DRC1: variants seen among roughly 807,000 people sequenced by gnomAD.
The protein encoded by DRC1 is dynein regulatory complex protein 1.
A neutral mutation model predicts 98.7 loss-of-function variants in DRC1; 74 were observed. That is an observed-to-expected ratio of 0.75 (90% confidence interval 0.62 to 0.91). The LOEUF is 0.91. Ranked by LOEUF, DRC1 falls within the 40% of genes least tolerant of loss-of-function variation. DRC1 has a pLI of 0.00. For missense variants in DRC1, 875 were observed against 886.0 expected (o/e 0.99, Z 0.16); for synonymous variants, 336 against 334.1 (o/e 1.01, Z -0.06).
chr2:26,414,474 TG>T (rs537626160), intron 2 of DRC1, 43 bp downstream of exon 2: 2 of 1,571,834 alleles, frequency 1.3e-6, no homozygotes, highest in Non-Finnish European at 1.7e-6. Context: ...ACCAGTGAGC[TG>T]GGTGTGACAT....
intron 1 of DRC1, among the ~76,000 whole-genome samples, chr2:26,402,775 G>C (rs1484498545): frequency 6.6e-6 from 1 of 152,172 alleles, no homozygotes; most frequent in Non-Finnish European, 1.5e-5. Context: ...GGCCTTCATA[G>C]GGTTGATTGC....
chr2:26,447,482 A>T (rs1030041674), intron 10 of DRC1, among the ~76,000 whole-genome samples: 1 of 152,190 alleles, frequency 6.6e-6, no homozygotes, highest in African/African-American at 2.4e-5. Context: ...CACCAGCTTG[A>T]TACACATATA....
intron 3 of DRC1, among the ~76,000 whole-genome samples, chr2:26,423,425 G>A (rs1381364811): frequency 1.3e-5 from 2 of 152,190 alleles, no homozygotes; most frequent in Admixed American, 1.3e-4. Context: ...TGCTCTCATA[G>A]GATTAGTCTG....
At chr2:26,432,897 TC>T (rs1663472484) in intron 7 of DRC1, among the ~76,000 whole-genome samples, 1 of 152,190 alleles carries the variant, frequency 6.6e-6, no homozygotes, top group African/African-American at 2.4e-5. Context: ...TGGATTCAAA[TC>T]CAATTCTGTC....
At chr2:26,426,916 G>C (rs1572365608) in intron 4 of DRC1, among the ~76,000 whole-genome samples, 1 of 152,016 alleles carries the variant, frequency 6.6e-6, no homozygotes, top group South Asian at 2.1e-4. Flanking sequence ...TCTTCCATTT[G>C]TTTATATCTT....
intron 3 of DRC1, among the ~76,000 whole-genome samples, chr2:26,421,698 T>C (rs919577208): frequency 6.6e-6 from 1 of 151,854 alleles, no homozygotes; most frequent in Admixed American, 6.6e-5. Flanking sequence ...GTAGCTGGGA[T>C]TACAGGCATG....
chr2:26,403,396 T>C (rs2147973271), intron 1 of DRC1, among the ~76,000 whole-genome samples: 1 of 152,364 alleles, frequency 6.6e-6, no homozygotes, highest in Non-Finnish European at 1.5e-5. Flanking sequence ...CAAATATTTT[T>C]ACTGCCCTAA....
Position 26,453,605 on chromosome 2 carries a change from G to C in DRC1, c.1919+56G>C, listed in dbSNP as rs1664067880. 1.9e-6 allele frequency: 3 copies of C among 1,545,426 alleles called. No homozygotes were observed. In the Admixed American group the frequency reaches 5.4e-5, roughly 28 times the overall value. On this transcript the variant is annotated intron_variant, in intron 14 of 16. Transcript: ENST00000288710. Reference sequence around the variant, plus strand: ...GACCAGAACCAGGGGAGCTGGATGGGCTGGGGAGCCAGGCAGAGCCAGTGA... The same window carrying C: ...GACCAGAACCAGGGGAGCTGGATGGCCTGGGGAGCCAGGCAGAGCCAGTGA...
At chr2:26,427,904 A>C (rs1296463876) in intron 4 of DRC1, among the ~76,000 whole-genome samples, 6 of 152,208 alleles carry the variant, frequency 3.9e-5, no homozygotes, top group Non-Finnish European at 8.8e-5. Context: ...AAATGACAGG[A>C]TCTCATTCTC....
At position 26,449,883 on chromosome 2, in the gene DRC1, G is replaced by A. The variant is rs114386975; in HGVS notation, c.1510-113G>A. On this transcript the variant is annotated intron_variant, in intron 11 of 16. Transcript: ENST00000288710. ...GCCCACTGCTGGCTCCCATCCCTGG[G>A]CGTCTGCTCCGTGGCATGGTCCCTG... 874 of 899,630 alleles carry A rather than the reference G, an allele frequency of 9.7e-4. 6 individuals carry two copies. In the African/African-American group the frequency reaches 0.013, roughly 13 times the overall value. 55.7% of individuals were successfully genotyped at this position (899,630 alleles called of 1,614,324 possible).
In DRC1 at chr2:26,448,780, CTGA is replaced by C; in HGVS notation, c.1489_1491del (p.Met497del). On this transcript the variant is annotated inframe_deletion, in exon 11 of 17. Coordinates refer to ENST00000288710, the MANE Select transcript of DRC1 (RefSeq NM_145038.5). ...TTCTGAAAAAACTACCAAGAGGATC[CTGA>C]TGCTCCTGTGTGACGAGTCGGTGAG... is the stretch of plus-strand genomic sequence containing the variant. The C allele has an allele frequency of 1.9e-6, 3 of 1,614,216 alleles. No individual in the cohort carries two copies. The African/African-American group carries it at 4.0e-5, about 21-fold the overall frequency.
intron 2 of DRC1, among the ~76,000 whole-genome samples, chr2:26,414,856 A>T (rs1046810668): frequency 6.6e-6 from 1 of 151,974 alleles, no homozygotes; most frequent in Admixed American, 6.6e-5. Context: ...CTGGAATGCC[A>T]GGCCCCCTCT....
At position 26,424,415 on chromosome 2, in the gene DRC1, C is replaced by T. The variant is rs778849420; in HGVS notation, c.501C>T (p.Leu167=). The T allele has an allele frequency of 3.1e-6, 5 of 1,612,910 alleles. No homozygotes were observed. The highest frequency in any genetic ancestry group is 3.4e-6 in the Non-Finnish European group (4 of 1,179,618). The change falls in exon 4 of 17, where the codon CTC becomes CTT. Residue 167 remains leucine (L), a synonymous_variant. Transcript: ENST00000288710. ...LNTQQLHCAG[L]LEDKNKLISE... Reference sequence around the variant, plus strand: ...CCCAACAGCTGCACTGTGCTGGACTCTTAGAAGATAAGAATAAACTCATCA... The same window carrying T: ...CCCAACAGCTGCACTGTGCTGGACTTTTAGAAGATAAGAATAAACTCATCA...
intron 1 of DRC1, among the ~76,000 whole-genome samples, chr2:26,405,653 C>CTTTTT (rs10601492): frequency 1.1e-3 from 59 of 53,510 alleles, no homozygotes; most frequent in East Asian, 2.0e-3. Context: ...AAGGCTATAT[C>CTTTTT]TTTTTTTTTT....
In DRC1 at chr2:26,444,936, C is replaced by A; in HGVS notation, c.1384C>A (p.Leu462Ile). The A allele has an allele frequency of 1.2e-6, 2 of 1,614,038 alleles. No individual in the cohort carries two copies. Among genetic ancestry groups the A allele is most frequent in the Non-Finnish European group, 1.7e-6 (2 of 1,180,022 alleles). ...KSATQIVEEM[L>I]MRSEEEEAEE... Reference sequence around the variant, plus strand: ...CGCCACACAGATAGTAGAAGAAATGCTTATGCGCTCAGGTGACTAGAACAC... The same window carrying A: ...CGCCACACAGATAGTAGAAGAAATGATTATGCGCTCAGGTGACTAGAACAC... Residue 462 changes from leucine to isoleucine, a missense_variant, in exon 10 of 17, where the codon CTT (leucine) becomes ATT (isoleucine). Leu to Ile is a conservative substitution (Grantham distance 5, BLOSUM62 2). Coordinates refer to ENST00000288710, the MANE Select transcript of DRC1 (RefSeq NM_145038.5).
At position 26,444,800 on chromosome 2, in the gene DRC1, C is replaced by A; in HGVS notation, c.1248C>A (p.Ala416=). The part of the protein sequence containing the change: ...EEEAKDLIAR[A]FDVDRIIHTH... Reference sequence around the variant, plus strand: ...AGGCGAAGGACCTAATAGCCAGAGCCTTTGATGTGGACAGGATCATCCACA... The same window carrying A: ...AGGCGAAGGACCTAATAGCCAGAGCATTTGATGTGGACAGGATCATCCACA... Residue 416 remains alanine, a synonymous_variant, in exon 10 of 17, where the codon GCC becomes GCA. Coordinates refer to ENST00000288710, the MANE Select transcript of DRC1 (RefSeq NM_145038.5). 1 of 1,614,186 alleles carries A rather than the reference C, an allele frequency of 6.2e-7. No individual in the cohort carries two copies. Among genetic ancestry groups the A allele is most frequent in the Non-Finnish European group, 8.5e-7 (1 of 1,180,046 alleles).
chr2:26,410,245 A>ATAC (rs145450446), intron 1 of DRC1, among the ~76,000 whole-genome samples: 1 of 142,996 alleles, frequency 7.0e-6, no homozygotes, highest in Non-Finnish European at 1.5e-5. Flanking sequence ...TATAGAGAAA[A>ATAC]TATTATTATT....
chr2:26,439,922 A>AATATATATATATGTATATATATATATAT, intron 7 of DRC1, among the ~76,000 whole-genome samples: 1 of 43,456 alleles, frequency 2.3e-5, no homozygotes, highest in African/African-American at 7.6e-5. Context: ...CTAGTGTGTG[A>AATATATATATATGTATATATATATATAT]ATATATATAT....
chr2:26,435,742 A>T (rs1198923460), intron 7 of DRC1, among the ~76,000 whole-genome samples: 5 of 150,990 alleles, frequency 3.3e-5, no homozygotes, highest in African/African-American at 1.2e-4. Flanking sequence ...CAAAGGACAT[A>T]TTCTCATTCT....
Sources: gnomAD v4.1 joint callset for allele counts (sites outside exome capture counted in the v4.1 genomes callset) on GRCh38, gnomAD v4.1.1 for gene constraint, MANE v1.5 for transcripts, NCBI Gene and HGNC (gene_info 2026-07-23, HGNC 2026-07-21) for gene names.